Variants in FRMD6 observed in about 807,000 individuals in gnomAD.
The protein encoded by FRMD6 is FERM domain containing 6.
A neutral mutation model predicts 73.2 loss-of-function variants in FRMD6; 37 were observed. The ratio of observed to expected loss-of-function variants is 0.51; its 90% CI spans 0.39 to 0.66. FRMD6 has a LOEUF of 0.66. FRMD6 is among the 30% of genes least tolerant of loss of function. The pLI is 0.00. For missense variants in FRMD6, 714 were observed against 780.5 expected (o/e 0.91, Z 1.02); for synonymous variants, 273 against 282.2 (o/e 0.97, Z 0.33).
intron 2 of FRMD6, 141 bp from the exon 3 acceptor site, chr14:51,698,001 T>G (rs1896056346): frequency 1.7e-6 from 1 of 574,488 alleles, no homozygotes; most frequent in Non-Finnish European, 3.2e-6. Flanking sequence ...TTAAAGTGAT[T>G]TGGATAAAGC....
intron 1 of FRMD6, among the ~76,000 whole-genome samples, chr14:51,656,124 C>A (rs1011746213): frequency 6.6e-6 from 1 of 152,120 alleles, no homozygotes; most frequent in East Asian, 1.9e-4. Context: ...TTACTTTATG[C>A]GATTTAGTGA....
chr14:51,441,637 G>A, the FRMD6 span, among the ~76,000 whole-genome samples: 1 of 152,208 alleles, frequency 6.6e-6, no homozygotes, highest in Non-Finnish European at 1.5e-5. Context: ...AAGAGAGGGA[G>A]AGACAGATGG....
the FRMD6 span, among the ~76,000 whole-genome samples, chr14:51,445,343 A>T: frequency 6.6e-6 from 1 of 152,150 alleles, no homozygotes; most frequent in Non-Finnish European, 1.5e-5. Flanking sequence ...TCCTGATGTC[A>T]TCAAAGCCAG....
intron 2 of FRMD6, among the ~76,000 whole-genome samples, chr14:51,628,178 TA>T (rs551567891): frequency 1.3e-5 from 2 of 152,152 alleles, no homozygotes; most frequent in African/African-American, 2.4e-5. Context: ...GTATTTGAGC[TA>T]AAAAAACAGA....
intron 1 of FRMD6, among the ~76,000 whole-genome samples, chr14:51,660,419 C>T (rs12879807): frequency 1.3e-5 from 2 of 151,926 alleles, no homozygotes; most frequent in African/African-American, 4.8e-5. Context: ...ATTTTTCTAT[C>T]CTTCAAGCCC....
At chr14:51,532,021 A>T (rs1223874597) in intron 1 of FRMD6, among the ~76,000 whole-genome samples, 1 of 152,226 alleles carries the variant, frequency 6.6e-6, no homozygotes, top group Non-Finnish European at 1.5e-5. Context: ...TTACCACCAC[A>T]TCGCTGAATA....
chr14:51,505,459 G>A (rs1456755825), intron 1 of FRMD6, among the ~76,000 whole-genome samples: 1 of 152,106 alleles, frequency 6.6e-6, no homozygotes, highest in Non-Finnish European at 1.5e-5. Context: ...ACATGTCAGG[G>A]ACAAGGACAA....
intron 2 of FRMD6, among the ~76,000 whole-genome samples, chr14:51,643,253 T>C (rs753859044): frequency 1.3e-5 from 2 of 152,106 alleles, no homozygotes; most frequent in East Asian, 1.9e-4. Context: ...CGGTTGACCA[T>C]TGAGAGTGGC....
At chr14:51,697,964 T>A (rs1896054759) in intron 2 of FRMD6, 178 bp from the exon 3 acceptor site, 1 of 528,390 alleles carries the variant, frequency 1.9e-6, no homozygotes, top group Admixed American at 3.4e-5. Context: ...GGTACTGTGA[T>A]CATCATTACT....
intron 2 of FRMD6, among the ~76,000 whole-genome samples, chr14:51,602,703 A>G (rs1204189491): frequency 6.6e-6 from 1 of 152,222 alleles, no homozygotes; most frequent in Non-Finnish European, 1.5e-5. Context: ...CCTGTCAACT[A>G]CTGATTTAGA....
intron 12 of FRMD6, among the ~76,000 whole-genome samples, chr14:51,724,763 TGGATCTAG>T (rs1252737738): frequency 2.0e-5 from 3 of 151,598 alleles, no homozygotes; most frequent in African/African-American, 7.3e-5. Flanking sequence ...TTTGGCCTTA[TGGATCTAG>T]GGCTTGACCT....
chr14:51,563,234 C>G (rs568355050), intron 1 of FRMD6, among the ~76,000 whole-genome samples: 66 of 149,500 alleles, frequency 4.4e-4, no homozygotes, highest in Non-Finnish European at 7.6e-4. Flanking sequence ...AAAGAATTAT[C>G]GCTTACAAGT....
chr14:51,506,219 C>CCATT (rs1441396171), intron 1 of FRMD6, among the ~76,000 whole-genome samples: 1 of 152,186 alleles, frequency 6.6e-6, no homozygotes, highest in Non-Finnish European at 1.5e-5. Context: ...AAAGCTCTCA[C>CCATT]CATTCCATCA....
At chr14:51,463,525 C>A in the FRMD6 span, among the ~76,000 whole-genome samples, 1 of 152,150 alleles carries the variant, frequency 6.6e-6, no homozygotes, top group Non-Finnish European at 1.5e-5. Context: ...ATATGGAGGG[C>A]CAATTGTAAA....
In FRMD6 at chr14:51,702,550, C is replaced by A; in HGVS notation, c.333C>A (p.Phe111Leu). Reference sequence around the variant, plus strand: ...TTGGGCCTCCTATGATCATCCACTTCCGTGTGCAGTACTATGTGGAAAATG... The same window carrying A: ...TTGGGCCTCCTATGATCATCCACTTACGTGTGCAGTACTATGTGGAAAATG... ...DQFGPPMIIH[F>L]RVQYYVENGR... Residue 111 changes from phenylalanine to leucine, a missense_variant, in exon 5 of 14, where the codon TTC (phenylalanine) becomes TTA (leucine). Coordinates refer to ENST00000344768, the MANE Select transcript of FRMD6 (RefSeq NM_001267046.2). The A allele has an allele frequency of 6.2e-7, 1 of 1,611,938 alleles. No individual in the cohort carries two copies. Among genetic ancestry groups the A allele is most frequent in the Non-Finnish European group, 8.5e-7 (1 of 1,178,486 alleles).
intron 7 of FRMD6, among the ~76,000 whole-genome samples, chr14:51,709,274 CATAGTT>C (rs1455495904): frequency 1.3e-5 from 2 of 152,116 alleles, no homozygotes; most frequent in African/African-American, 2.4e-5. Context: ...TCAGTTTCCC[CATAGTT>C]AAAGGGGACA....
chr14:51,601,304 T>G (rs1160464685), intron 2 of FRMD6, among the ~76,000 whole-genome samples: 1 of 152,206 alleles, frequency 6.6e-6, no homozygotes, highest in Non-Finnish European at 1.5e-5. Context: ...CTATGAGACC[T>G]CAGAGAAGGG....
intron 1 of FRMD6, among the ~76,000 whole-genome samples, chr14:51,560,202 T>G (rs1887398430): frequency 6.6e-6 from 1 of 152,138 alleles, no homozygotes; most frequent in Non-Finnish European, 1.5e-5. Context: ...GAAGGCAGAG[T>G]CTCACCTAAT....
At chr14:51,452,561 C>T in the FRMD6 span, among the ~76,000 whole-genome samples, 1 of 152,190 alleles carries the variant, frequency 6.6e-6, no homozygotes, top group Non-Finnish European at 1.5e-5. Flanking sequence ...TGGAATGAGT[C>T]TATAGCTCAA....
Sources: allele counts gnomAD v4.1 joint callset (sites outside exome capture counted in the v4.1 genomes callset), GRCh38; gene constraint gnomAD v4.1.1; transcripts MANE v1.5; gene names NCBI Gene and HGNC (gene_info 2026-07-23, HGNC 2026-07-21).